The following CYP2A6 variants were observed in gnomAD, a reference collection of about 807,000 sequenced individuals.
CYP2A6 encodes the protein cytochrome P450 2A6.
Under a neutral mutation model 42.3 loss-of-function variants are expected in CYP2A6, and 27 were observed. The ratio of observed to expected loss-of-function variants is 0.64; its 90% CI spans 0.47 to 0.88. The LOEUF is 0.88. Among genes scored for constraint, CYP2A6 ranks in the 40% least tolerant of loss-of-function variants. The pLI is 0.00. For missense variants in CYP2A6, 628 were observed against 646.0 expected, an observed-to-expected ratio of 0.97 and a Z score of 0.30; for synonymous variants, 238 against 246.3, an observed-to-expected ratio of 0.97 and a Z score of 0.31.
At position 40,844,689 on chromosome 19, in the gene CYP2A6, G is replaced by A. The variant is rs2002977; in HGVS notation, c.1245C>T (p.His415=). Residue 415 remains histidine, a synonymous_variant, in exon 8 of 9, where the codon CAC becomes CAT. Coordinates refer to ENST00000301141, the MANE Select transcript of CYP2A6 (RefSeq NM_000762.6). The part of the protein sequence containing the change: ...FSNPQDFNPQ[H]FLNEKGQFKK... The stretch of plus-strand genomic sequence containing the variant: ...TAAACTGCCCCTTCTCATTCAGGAA[G>A]TGCTGGGGATTGAAGTCCTGGGGGT... The A allele has an allele frequency of 0.077, 123,298 of 1,610,918 alleles. 6,345 individuals carry two copies. Among genetic ancestry groups the A allele is most frequent in the African/African-American group, 0.1 (7,475 of 74,316 alleles).
In CYP2A6 at chr19:40,844,630, C is replaced by T; in HGVS notation, c.1303+1G>A. On this transcript the variant is annotated splice_donor_variant, in intron 8 of 8. Coordinates refer to ENST00000301141, the MANE Select transcript of CYP2A6 (RefSeq NM_000762.6). LOFTEE classifies it high-confidence loss of function. ...CCTGGCAGCAAACAGTGGTCTCTTA[C>T]CGATGGAAAAGGGCACAAAAGCATC... 1.2e-6 allele frequency: 2 copies of T among 1,611,472 alleles called. No homozygotes were observed. Among genetic ancestry groups the T allele is most frequent in the South Asian group, 1.1e-5 (1 of 90,898 alleles).
rs1375963411 is a variant in CYP2A6, at chr19:40,845,398, C to T, written c.1057G>A (p.Glu353Lys). The change falls in exon 7 of 9, where the codon GAG (glutamate) becomes AAG (lysine). Residue 353 changes from glutamate (E) to lysine (K), a missense_variant. Around this residue, in one of 2 missense-constraint regions of CYP2A6, gnomAD observed 606 missense variants for 568.1 expected, o/e 1.07. Transcript: ENST00000301141. ...CTTTGGATCTCGTGGATCACTGCCT[C>T]CATGTAGGGCATCTTGGCCCGGTCC... ...FEDRAKMPYMEAVIHEIQRFG... is the reference protein window; with the variant it reads ...FEDRAKMPYMKAVIHEIQRFG... The T allele has an allele frequency of 1.2e-6, 2 of 1,611,760 alleles. No homozygotes were observed. Among genetic ancestry groups the T allele is most frequent in the Middle Eastern group, 1.7e-4 (1 of 6,060 alleles).
rs775762813 is a variant in CYP2A6 at position 40,844,754 on chromosome 19, T to C, written c.1180A>G (p.Met394Val). Residue 394 changes from methionine (M) to valine (V), a missense_variant, in exon 8 of 9, where the codon ATG (methionine) becomes GTG (valine). Transcript: ENST00000301141. ...FLPKGTEVYP[M>V]LGSVLRDPSF... ...GGGTCTCTCAGCACAGAGCCCAGCATAGGGTACACTTCGGTGCCCTGGTAG... is the reference window on the plus strand; with the variant it reads ...GGGTCTCTCAGCACAGAGCCCAGCACAGGGTACACTTCGGTGCCCTGGTAG... 116 of 1,611,282 alleles carry C rather than the reference T, an allele frequency of 7.2e-5. 1 individual carries two copies. The highest frequency in any genetic ancestry group is 2.2e-4 in the South Asian group (20 of 90,888).
rs796429900 is a variant in CYP2A6 at position 40,846,523 on chromosome 19, C to T, written c.831+352G>A. Among the ~76,000 whole-genome samples, 78 of 151,292 alleles carry T rather than the reference C, an allele frequency of 5.2e-4. 1 individual carries two copies. The highest frequency in any genetic ancestry group is 1.8e-3 in the African/African-American group (75 of 41,208). ...AACAATTAATTAATTTTTTTTGACA[C>T]AGGGCCTCATTCTGTCACCCAGACT... On this transcript the variant is annotated intron_variant, in intron 5 of 8. Transcript: ENST00000301141.
chr19:40,849,749 G>C, intron 2 of CYP2A6, 69 bp downstream of exon 2: 11 of 1,595,544 alleles, frequency 6.9e-6, no homozygotes, highest in Non-Finnish European at 9.4e-6. Context: ...GAGAGTCAGG[G>C]AGAAGGCTGG....
intron 2 of CYP2A6, among the ~76,000 whole-genome samples, chr19:40,849,016 AGAGAG>A (rs1284575715): frequency 1.1e-5 from 1 of 92,178 alleles, no homozygotes; most frequent in African/African-American, 4.9e-5. Context: ...GAGAGAAGAG[AGAGAG>A]GAGAGAGAGA....
At position 40,844,747 on chromosome 19, in the gene CYP2A6, C is replaced by G. The variant is rs1360688475; in HGVS notation, c.1187G>C (p.Gly396Ala). 1 of 1,611,478 alleles carries G rather than the reference C, an allele frequency of 6.2e-7. No homozygotes were observed. The highest frequency in any genetic ancestry group is 8.5e-7 in the Non-Finnish European group (1 of 1,179,768). Residue 396 changes from glycine to alanine, a missense_variant, in exon 8 of 9, where the codon GGC becomes GCC. Physicochemically the swap from Gly to Ala is moderately conservative, Grantham distance 60. Around this residue, in one of 2 missense-constraint regions of CYP2A6, gnomAD observed 606 missense variants for 568.1 expected, o/e 1.07. Coordinates refer to ENST00000301141, the MANE Select transcript of CYP2A6 (RefSeq NM_000762.6). ...GAAACTGGGGTCTCTCAGCACAGAG[C>G]CCAGCATAGGGTACACTTCGGTGCC... ...PKGTEVYPML[G>A]SVLRDPSFFS... is the part of the protein sequence containing the mutation.
chr19:40,848,427 G>T, intron 3 of CYP2A6, 48 bp from the exon 4 acceptor site: 1 of 1,607,310 alleles, frequency 6.2e-7, no homozygotes, highest in Non-Finnish European at 8.5e-7. Flanking sequence ...TCAACTCAGA[G>T]GTCTGAGGAG....
In CYP2A6 at chr19:40,848,304, C is replaced by T. The variant is rs571335587; in HGVS notation, c.569G>A (p.Arg190His). Residue 190 changes from arginine (R) to histidine (H), a missense_variant, in exon 4 of 9, where the codon CGC becomes CAC. Around this residue, in one of 2 missense-constraint regions of CYP2A6, gnomAD observed 606 missense variants for 568.1 expected, o/e 1.07. Transcript: ENST00000301141. Reference protein sequence around the residue: ...NVISSIVFGDRFDYKDKEFLS... With the variant: ...NVISSIVFGDHFDYKDKEFLS... ...GAACTCTTTGTCCTTATAGTCAAAG[C>T]GGTCCCCAAAGACAATGGAGCTGAT... 1.9e-6 allele frequency: 3 copies of T among 1,611,892 alleles called. No homozygotes were observed. Among genetic ancestry groups the T allele is most frequent in the Non-Finnish European group, 1.7e-6 (2 of 1,179,958 alleles).
rs1967192949 is a variant in CYP2A6, at chr19:40,850,081, TCA to T, written c.181-103_181-102del. Reference sequence around the variant, plus strand: ...GCTGGGATGCTTCGCACCCAGGTTCTCACAGTCAGGGAGCTGGACATCCCAAG... The same window carrying T: ...GCTGGGATGCTTCGCACCCAGGTTCTCAGTCAGGGAGCTGGACATCCCAAG... On this transcript the variant is annotated intron_variant, in intron 1 of 8. Transcript: ENST00000301141. The T allele has an allele frequency of 1.0e-5, 16 of 1,550,606 alleles. 2 individuals are homozygous for T. The South Asian group carries it at 1.6e-4, about 15-fold the overall frequency.
intron 2 of CYP2A6, 68 bp from the exon 3 acceptor site, chr19:40,848,831 A>G (rs1438916493): frequency 1.3e-6 from 2 of 1,539,650 alleles, no homozygotes; most frequent in African/African-American, 2.8e-5. Flanking sequence ...AGCAGCTCCA[A>G]GGGGCTCCCC....
rs1178152320 is a variant in CYP2A6, at chr19:40,845,447, G to C, written c.1008C>G (p.Gly336=). Reference sequence around the variant, plus strand: ...CCTCAAACTTGGGCTGCCGGTTCTTGCCGATCACTCTGTCAATCTCCTCAT... The same window carrying C: ...CCTCAAACTTGGGCTGCCGGTTCTTCCCGATCACTCTGTCAATCTCCTCAT... ...KVHEEIDRVI[G]KNRQPKFEDR... Residue 336 remains glycine (G), a synonymous_variant, in exon 7 of 9, where the codon GGC becomes GGG. Coordinates refer to ENST00000301141, the MANE Select transcript of CYP2A6 (RefSeq NM_000762.6). 6 of 1,611,838 alleles carry C rather than the reference G, an allele frequency of 3.7e-6. No homozygotes were observed. Among genetic ancestry groups the C allele is most frequent in the Admixed American group, 1.7e-5 (1 of 59,984 alleles).
In CYP2A6 at chr19:40,846,006, G is replaced by A. The variant is rs746842006; in HGVS notation, c.923C>T (p.Thr308Ile). 51 of 1,611,530 alleles carry A rather than the reference G, an allele frequency of 3.2e-5. 4 individuals carry two copies. The South Asian group carries it at 5.2e-4, about 16-fold the overall frequency. The change falls in exon 6 of 9, where the codon ACC becomes ATC. Residue 308 changes from threonine (T) to isoleucine (I), a missense_variant. Transcript: ENST00000301141. ...LFIGGTETVS[T>I]TLRYGFLLLM... ...CAGCAAGAAGCCATAGCGCAGGGTGGTGCTGACGGTCTCGGTGCCCCCAAT... is the reference window on the plus strand; with the variant it reads ...CAGCAAGAAGCCATAGCGCAGGGTGATGCTGACGGTCTCGGTGCCCCCAAT...
rs1967135444 is a variant in CYP2A6, at chr19:40,848,281, A to G, written c.592T>C (p.Phe198Leu). The G allele has an allele frequency of 1.2e-6, 2 of 1,611,636 alleles. No homozygotes were observed. Among genetic ancestry groups the G allele is most frequent in the Non-Finnish European group, 1.7e-6 (2 of 1,179,910 alleles). Residue 198 changes from phenylalanine (F) to leucine (L), a missense_variant, in exon 4 of 9, where the codon TTC becomes CTC. Transcript: ENST00000301141. The part of the protein sequence containing the change: ...GDRFDYKDKE[F>L]LSLLRMMLGI... ...AGCATCATGCGCAACAGTGACAGGA[A>G]CTCTTTGTCCTTATAGTCAAAGCGG...
chr19:40,849,337 C>G (rs1371637430), intron 2 of CYP2A6, among the ~76,000 whole-genome samples: 1 of 151,068 alleles, frequency 6.6e-6, no homozygotes, highest in East Asian at 2.0e-4. Flanking sequence ...GAGATAGAAA[C>G]AGAGAGGGTC....
chr19:40,847,055 G>A lies in CYP2A6; in HGVS notation c.655-4C>T, dbSNP rs1205734217. The A allele has an allele frequency of 6.2e-7, 1 of 1,610,432 alleles. No homozygotes were observed. Among genetic ancestry groups the A allele is most frequent in the East Asian group, 2.3e-5 (1 of 43,338 alleles). On this transcript the variant is annotated splice_region_variant and splice_polypyrimidine_tract_variant and intron_variant, in intron 4 of 8. Transcript: ENST00000301141. ...CCGAAGAGAACATCTCATAGAGCTG[G>A]GGTTGCAGAGAGAGGATGGGAAGGG...
intron 7 of CYP2A6, 29 bp downstream of exon 7, chr19:40,845,265 G>T (rs60286635): frequency 1.1e-5 from 18 of 1,610,492 alleles, no homozygotes; most frequent in East Asian, 2.3e-5. Flanking sequence ...GGAAGTCCCC[G>T]TAGTCTGGGG....
intron 5 of CYP2A6, among the ~76,000 whole-genome samples, chr19:40,846,339 T>C (rs1967098905): frequency 6.8e-6 from 1 of 147,196 alleles, no homozygotes; most frequent in African/African-American, 2.6e-5. Context: ...AACTTAGCTG[T>C]CAGTTTTTTT....
intron 1 of CYP2A6, 35 bp from the exon 2 acceptor site, chr19:40,850,015 A>G (rs761518182): frequency 1.9e-6 from 3 of 1,607,226 alleles, no homozygotes; most frequent in Non-Finnish European, 1.7e-6. Flanking sequence ...TAGAGGGAGA[A>G]GCCTCCACTC....
Sources: allele counts gnomAD v4.1 joint callset (sites outside exome capture counted in the v4.1 genomes callset), GRCh38; gene constraint gnomAD v4.1.1; regional missense constraint gnomAD v4.1.1; transcripts MANE v1.5; gene names NCBI Gene and HGNC (gene_info 2026-07-23, HGNC 2026-07-21).